Variants in NFAM1 observed in about 807,000 individuals in gnomAD.
The protein encoded by NFAM1 is NFAT activating protein with ITAM motif 1, also known as NFAT activation molecule 1.
NFAM1 carries 17 observed loss-of-function variants against 29.0 expected under a neutral mutation model. The ratio of observed to expected loss-of-function variants is 0.59; its 90% CI spans 0.40 to 0.88. The LOEUF (loss-of-function observed/expected upper bound fraction) is 0.88. Ranked by LOEUF, NFAM1 falls within the 40% of genes least tolerant of loss-of-function variation. NFAM1 has a pLI of 0.00. For synonymous variants in NFAM1, 175 were observed against 147.2 expected, an observed-to-expected ratio of 1.19 and a Z score of -1.36; for missense variants, 324 against 344.6, an observed-to-expected ratio of 0.94 and a Z score of 0.47.
intron 1 of NFAM1, among the ~76,000 whole-genome samples, chr22:42,423,577 G>A (rs1930519218): frequency 7.3e-6 from 1 of 136,846 alleles, no homozygotes; most frequent in Non-Finnish European, 1.6e-5. Context: ...AAAATTAGCT[G>A]GGCAAGGTAG....
chr22:42,385,514 C>G (rs1929107404), intron 5 of NFAM1, among the ~76,000 whole-genome samples: 1 of 152,108 alleles, frequency 6.6e-6, no homozygotes, highest in Non-Finnish European at 1.5e-5. Flanking sequence ...CGCCTCCTCC[C>G]ACAGACACAC....
At chr22:42,431,599 C>G (rs1419267971) in intron 1 of NFAM1, among the ~76,000 whole-genome samples, 1 of 152,172 alleles carries the variant, frequency 6.6e-6, no homozygotes, top group Non-Finnish European at 1.5e-5. Flanking sequence ...ATCCCGGCCA[C>G]CCAGCTTCCA....
rs141098472 is a variant in NFAM1, at chr22:42,424,593, T to C, written c.121+7644A>G. On this transcript the variant is annotated intron_variant, in intron 1 of 5. Coordinates refer to ENST00000329021, the MANE Select transcript of NFAM1 (RefSeq NM_145912.8). The stretch of plus-strand genomic sequence containing the variant: ...TTCCCATCCCTTTACGAAGCTGAAC[T>C]TGGAAGGAAGAGAAGAGCAGGAGGC... Among the ~76,000 whole-genome samples, 19 of 152,248 alleles carry C rather than the reference T, an allele frequency of 1.2e-4. No homozygotes were observed. In the East Asian group the frequency reaches 3.7e-3, roughly 29 times the overall value.
intron 4 of NFAM1, among the ~76,000 whole-genome samples, chr22:42,393,214 G>C (rs543446836): frequency 6.6e-6 from 1 of 151,946 alleles, no homozygotes; most frequent in African/African-American, 2.4e-5. Context: ...CATACTGGCA[G>C]ATTTTAACTA....
chr22:42,395,705 AC>A (rs1352251727), intron 4 of NFAM1, among the ~76,000 whole-genome samples: 2 of 151,288 alleles, frequency 1.3e-5, no homozygotes, highest in Non-Finnish European at 2.9e-5. Context: ...ACATGGTGAA[AC>A]CCCGTCTCTA....
chr22:42,427,873 G>A (rs1333108825), intron 1 of NFAM1, among the ~76,000 whole-genome samples: 1 of 152,222 alleles, frequency 6.6e-6, no homozygotes, highest in African/African-American at 2.4e-5. Context: ...GCTGGGATGG[G>A]GGTACCTTTG....
At position 42,390,207 on chromosome 22, in the gene NFAM1, C is replaced by T. The variant is rs558346986; in HGVS notation, c.664-3129G>A. Among the ~76,000 whole-genome samples the T allele has an allele frequency of 9.9e-5, 15 of 152,192 alleles. No homozygotes were observed. In the East Asian group the frequency reaches 1.5e-3, roughly 16 times the overall value. On this transcript the variant is annotated intron_variant, in intron 4 of 5. Transcript: ENST00000329021. ...AATGAGGACGCAGATCACATCCTGA[C>T]GCCTCACATTTGCTACTGAGTGTCC...
intron 4 of NFAM1, among the ~76,000 whole-genome samples, chr22:42,394,031 TTTTA>T (rs889108773): frequency 2.6e-5 from 4 of 152,078 alleles, no homozygotes; most frequent in South Asian, 2.1e-4. Flanking sequence ...ATATCCTTAT[TTTTA>T]TTTATTTATT....
intron 3 of NFAM1, among the ~76,000 whole-genome samples, chr22:42,404,278 C>T (rs1327260767): frequency 6.6e-5 from 10 of 152,204 alleles, no homozygotes; most frequent in South Asian, 4.1e-4. Flanking sequence ...CTGCCAACCG[C>T]GGTTCGGGTC....
intron 3 of NFAM1, among the ~76,000 whole-genome samples, chr22:42,405,536 G>A (rs1189038313): frequency 2.0e-5 from 3 of 151,662 alleles, no homozygotes; most frequent in African/African-American, 4.9e-5. Flanking sequence ...TATTGAGGGC[G>A]AGAGTCGGGG....
intron 1 of NFAM1, 117 bp downstream of exon 1, chr22:42,432,120 G>T: frequency 3.2e-6 from 3 of 940,618 alleles, no homozygotes; most frequent in South Asian, 1.4e-5. Context: ...GCGTTCAAAC[G>T]ACAACCAGCA....
At chr22:42,403,136 C>A (rs1186291432) in intron 3 of NFAM1, among the ~76,000 whole-genome samples, 2 of 151,794 alleles carry the variant, frequency 1.3e-5, no homozygotes, top group Non-Finnish European at 2.9e-5. Context: ...CACGCCCGGC[C>A]CCCTCTGTGC....
At chr22:42,417,003 G>C (rs1458222563) in intron 1 of NFAM1, among the ~76,000 whole-genome samples, 1 of 152,100 alleles carries the variant, frequency 6.6e-6, no homozygotes, top group African/African-American at 2.4e-5. Flanking sequence ...TTCCGTGGGG[G>C]CCCCAACGGA....
intron 1 of NFAM1, among the ~76,000 whole-genome samples, chr22:42,421,543 G>C (rs561789223): frequency 6.6e-6 from 1 of 151,700 alleles, no homozygotes; most frequent in Admixed American, 6.6e-5. Flanking sequence ...AATCTCCCCC[G>C]TCCCTCACAC....
chr22:42,395,065 C>T (rs544003393), intron 4 of NFAM1, among the ~76,000 whole-genome samples: 2 of 152,126 alleles, frequency 1.3e-5, no homozygotes, highest in South Asian at 4.2e-4. Context: ...TCCCAGCCAC[C>T]CGGGAGGCTG....
At chr22:42,436,896 A>T (rs1485789296), upstream of NFAM1, 1 of 514,236 alleles carries the variant, frequency 1.9e-6, no homozygotes, top group Non-Finnish European at 2.5e-6. Flanking sequence ...TCCTTTAATC[A>T]GGGCAGATAT....
chr22:42,393,715 C>CAA (rs757153855), intron 4 of NFAM1, among the ~76,000 whole-genome samples: 2 of 97,018 alleles, frequency 2.1e-5, no homozygotes, highest in Non-Finnish European at 2.2e-5. Flanking sequence ...TGCACCCAGC[C>CAA]AAAAAAAAAA....
chr22:42,399,545 C>G (rs572304694), intron 3 of NFAM1, among the ~76,000 whole-genome samples: 1 of 151,632 alleles, frequency 6.6e-6, no homozygotes, highest in Admixed American at 6.6e-5. Flanking sequence ...GCAGGCGTGG[C>G]GTGGCCGTGC....
chr22:42,393,543 G>C (rs568404393), intron 4 of NFAM1, among the ~76,000 whole-genome samples: 52 of 151,310 alleles, frequency 3.4e-4, no homozygotes, highest in African/African-American at 1.0e-3. Context: ...TGAGTATCTG[G>C]GACTACAGGC....
Sources: allele counts gnomAD v4.1 joint callset (sites outside exome capture counted in the v4.1 genomes callset), GRCh38; gene constraint gnomAD v4.1.1; transcripts MANE v1.5; gene names NCBI Gene and HGNC (gene_info 2026-07-23, HGNC 2026-07-21).